Variants in CCDC60 observed in about 807,000 individuals in gnomAD.
CCDC60 encodes the protein coiled-coil domain containing 60, also known as coiled-coil domain-containing protein 60.
A neutral mutation model predicts 63.5 loss-of-function variants in CCDC60; 54 were observed. That is an observed-to-expected ratio of 0.85 (90% CI 0.68 to 1.07). The LOEUF (loss-of-function observed/expected upper bound fraction) is 1.07, where lower values mean the gene tolerates loss of function less well. Among genes scored for constraint, CCDC60 ranks in the 50% least tolerant of loss-of-function variants. The pLI, the probability that CCDC60 is intolerant of heterozygous loss-of-function variation, is 0.00. For synonymous variants in CCDC60, 206 were observed against 238.8 expected (o/e 0.86, Z 1.27); for missense variants, 651 against 684.3 (o/e 0.95, Z 0.54).
intron 7 of CCDC60, among the ~76,000 whole-genome samples, chr12:119,506,239 C>T (rs1385787101): frequency 6.6e-6 from 1 of 151,902 alleles, no homozygotes; most frequent in Non-Finnish European, 1.5e-5. Context: ...GAAGTTGTAC[C>T]ACTCTGTGAT....
At chr12:119,360,173 C>T (rs1408523568) in intron 1 of CCDC60, among the ~76,000 whole-genome samples, 1 of 150,384 alleles carries the variant, frequency 6.6e-6, no homozygotes, top group African/African-American at 2.4e-5. Context: ...CTGACCCCCC[C>T]CCACCTCCCT....
chr12:119,401,495 G>A (rs1785116246), intron 1 of CCDC60, among the ~76,000 whole-genome samples: 1 of 152,234 alleles, frequency 6.6e-6, no homozygotes, highest in African/African-American at 2.4e-5. Flanking sequence ...TCTAGAGGAA[G>A]AGACAGCCCG....
chr12:119,383,361 G>A (rs140487539), intron 1 of CCDC60, among the ~76,000 whole-genome samples: 70 of 152,338 alleles, frequency 4.6e-4, no homozygotes, highest in Middle Eastern at 3.4e-3. Context: ...GAGACAGGAA[G>A]CTATACCGAC....
chr12:119,490,449 C>T (rs773517218), intron 5 of CCDC60, among the ~76,000 whole-genome samples: 2 of 152,114 alleles, frequency 1.3e-5, no homozygotes, highest in Non-Finnish European at 2.9e-5. Context: ...AGACCTGGGA[C>T]CCCTCCAACT....
intron 4 of CCDC60, among the ~76,000 whole-genome samples, chr12:119,484,293 A>C (rs1203618856): frequency 1.3e-5 from 2 of 152,204 alleles, no homozygotes; most frequent in Non-Finnish European, 2.9e-5. Flanking sequence ...GATATTGGGC[A>C]CTTAGAACAG....
intron 2 of CCDC60, among the ~76,000 whole-genome samples, chr12:119,466,039 G>C (rs1320417030): frequency 2.6e-5 from 4 of 152,290 alleles, no homozygotes; most frequent in African/African-American, 9.6e-5. Context: ...TACTTGCTCA[G>C]AGCCTTTGCA....
At chr12:119,537,161 A>G (rs1055271067) in intron 13 of CCDC60, among the ~76,000 whole-genome samples, 3 of 151,954 alleles carry the variant, frequency 2.0e-5, no homozygotes, top group Non-Finnish European at 4.4e-5. Flanking sequence ...CATTAATTTG[A>G]TCTTCAACCA....
chr12:119,369,514 G>A (rs1305454721), intron 1 of CCDC60, among the ~76,000 whole-genome samples: 1 of 152,194 alleles, frequency 6.6e-6, no homozygotes, highest in Non-Finnish European at 1.5e-5. Context: ...GCTAATGTAA[G>A]CTCCCTGGAA....
chr12:119,411,701 G>T (rs540951148), intron 1 of CCDC60, among the ~76,000 whole-genome samples: 1 of 151,964 alleles, frequency 6.6e-6, no homozygotes, highest in Non-Finnish European at 1.5e-5. Context: ...TGACCTTCTC[G>T]GGAGAGAAAG....
intron 1 of CCDC60, among the ~76,000 whole-genome samples, chr12:119,396,149 G>A (rs956853530): frequency 6.6e-6 from 1 of 152,026 alleles, no homozygotes; most frequent in African/African-American, 2.4e-5. Context: ...TGTTGGCCAG[G>A]CTGGTGTCGA....
intron 1 of CCDC60, among the ~76,000 whole-genome samples, chr12:119,414,356 T>C (rs1956662328): frequency 6.6e-6 from 1 of 152,026 alleles, no homozygotes. Flanking sequence ...CCTCACTGTG[T>C]GTCTCCCTCA....
intron 13 of CCDC60, among the ~76,000 whole-genome samples, chr12:119,536,608 T>A (rs949493820): frequency 1.3e-5 from 2 of 152,228 alleles, no homozygotes; most frequent in African/African-American, 4.8e-5. Flanking sequence ...AAGGCAGGCC[T>A]GGTGGTGACA....
At chr12:119,418,535 C>T (rs1034035923) in intron 1 of CCDC60, among the ~76,000 whole-genome samples, 9 of 151,316 alleles carry the variant, frequency 5.9e-5, no homozygotes, top group African/African-American at 1.7e-4. Context: ...CTGCCTCAGC[C>T]TCCTGAGTAG....
rs1416953138 is a variant in CCDC60 at position 119,524,716 on chromosome 12, C to CTTTTTTTTT, written c.1229+902_1229+903insTTTTTTTTT. ...AGGAAACAGCAGTTTCTTTTCTTTT[C>CTTTTTTTTT]TTTTCTTTTTTTTTTTTTTTTTTTG... On this transcript the variant is annotated intron_variant, in intron 11 of 13. Transcript: ENST00000327554. 4.1e-3 allele frequency among the ~76,000 whole-genome samples: 369 copies of CTTTTTTTTT among 90,340 alleles called. 13 individuals are homozygous for CTTTTTTTTT. Among genetic ancestry groups the CTTTTTTTTT allele is most frequent in the African/African-American group, 0.011 (204 of 18,696 alleles). The allele number at this position is 90,340 out of a possible 152,430, so 59.3% of individuals were successfully genotyped here.
At chr12:119,408,654 T>A (rs1956537510) in intron 1 of CCDC60, among the ~76,000 whole-genome samples, 1 of 151,960 alleles carries the variant, frequency 6.6e-6, no homozygotes, top group Non-Finnish European at 1.5e-5. Context: ...AAACCCTGTC[T>A]CTACTAAAAA....
At chr12:119,348,222 G>T (rs1955617565) in intron 1 of CCDC60, among the ~76,000 whole-genome samples, 1 of 152,180 alleles carries the variant, frequency 6.6e-6, no homozygotes, top group South Asian at 2.1e-4. Flanking sequence ...AAGAATTTGA[G>T]ACACCGTGAA....
chr12:119,435,896 G>A (rs1328175431), intron 2 of CCDC60, among the ~76,000 whole-genome samples: 1 of 152,158 alleles, frequency 6.6e-6, no homozygotes, highest in Non-Finnish European at 1.5e-5. Context: ...GATCTTGGCT[G>A]GATTCTCTCA....
chr12:119,488,930 C>T, intron 5 of CCDC60, 64 bp downstream of exon 5: 1 of 1,303,502 alleles, frequency 7.7e-7, no homozygotes, highest in Non-Finnish European at 1.1e-6. Flanking sequence ...GAAGAGATTC[C>T]TGTATGTTCT....
At chr12:119,474,375 C>T (rs1951132280) in intron 3 of CCDC60, among the ~76,000 whole-genome samples, 1 of 152,178 alleles carries the variant, frequency 6.6e-6, no homozygotes, top group East Asian at 1.9e-4. Flanking sequence ...AAATTCTGTT[C>T]TTGAGAATGT....
Sources: gnomAD v4.1 joint callset for allele counts (sites outside exome capture counted in the v4.1 genomes callset) on GRCh38, gnomAD v4.1.1 for gene constraint, MANE v1.5 for transcripts, NCBI Gene and HGNC (gene_info 2026-07-23, HGNC 2026-07-21) for gene names.